ARHGAP15: variants seen among roughly 807,000 people sequenced by gnomAD.
ARHGAP15 encodes Rho GTPase activating protein 15.
ARHGAP15 carries 51 observed loss-of-function variants against 63.7 expected under a neutral mutation model. That is an observed-to-expected ratio of 0.80 (90% confidence interval 0.64 to 1.01). The LOEUF (loss-of-function observed/expected upper bound fraction) is 1.01. Among genes scored for constraint, ARHGAP15 ranks in the 50% least tolerant of loss-of-function variants. The pLI is 0.00. For synonymous variants in ARHGAP15, 191 were observed against 193.8 expected, an observed-to-expected ratio of 0.99 and a Z score of 0.12; for missense variants, 560 against 564.6, an observed-to-expected ratio of 0.99 and a Z score of 0.08.
intron 12 of ARHGAP15, among the ~76,000 whole-genome samples, chr2:143,684,813 A>T (rs1683255029): frequency 6.6e-6 from 1 of 152,188 alleles, no homozygotes; most frequent in African/African-American, 2.4e-5. Context: ...GAAATAAATC[A>T]TTGTAGTCTC....
chr2:143,217,504 C>T (rs1692801275), intron 4 of ARHGAP15, among the ~76,000 whole-genome samples: 5 of 152,144 alleles, frequency 3.3e-5, no homozygotes. Context: ...GCCCTGCAGC[C>T]ACCTTCCCTT....
intron 13 of ARHGAP15, among the ~76,000 whole-genome samples, chr2:143,711,837 G>T (rs1684594036): frequency 6.6e-6 from 1 of 152,170 alleles, no homozygotes; most frequent in Admixed American, 6.5e-5. Context: ...GCTGAGACAG[G>T]AAGATCACTT....
At chr2:143,263,975 A>G (rs1191483355) in intron 6 of ARHGAP15, among the ~76,000 whole-genome samples, 3 of 120,554 alleles carry the variant, frequency 2.5e-5, no homozygotes, top group Non-Finnish European at 3.2e-5. Flanking sequence ...TAACCCATCC[A>G]TGAATCAGGC....
At chr2:143,459,965 GT>G (rs1690859896) in intron 8 of ARHGAP15, among the ~76,000 whole-genome samples, 1 of 152,082 alleles carries the variant, frequency 6.6e-6, no homozygotes, top group Admixed American at 6.6e-5. Context: ...CAGAGGCCTG[GT>G]CTGCTTGGCC....
At chr2:143,137,288 C>A (rs1223747401) in intron 1 of ARHGAP15, among the ~76,000 whole-genome samples, 1 of 151,802 alleles carries the variant, frequency 6.6e-6, no homozygotes, top group African/African-American at 2.4e-5. Flanking sequence ...ATACCTAGAA[C>A]CTAGAACAAA....
chr2:143,371,762 T>A (rs1212644972), intron 6 of ARHGAP15, among the ~76,000 whole-genome samples: 1 of 152,224 alleles, frequency 6.6e-6, no homozygotes, highest in Admixed American at 6.5e-5. Flanking sequence ...GATGGCCCAC[T>A]CTTAAGCAAT....
At position 143,303,516 on chromosome 2, in the gene ARHGAP15, A is replaced by G. The variant is rs974455097; in HGVS notation, c.474+52916A>G. Among the ~76,000 whole-genome samples the G allele has an allele frequency of 1.3e-4, 20 of 152,226 alleles. 1 individual carries two copies. Among genetic ancestry groups the G allele is most frequent in the Admixed American group, 9.2e-4 (14 of 15,278 alleles). On this transcript the variant is annotated intron_variant, in intron 6 of 13. Coordinates refer to ENST00000295095, the MANE Select transcript of ARHGAP15 (RefSeq NM_018460.4). The stretch of plus-strand genomic sequence containing the variant: ...TTAGACCTAAAACCATAAAAACTCT[A>G]GAAGAAAAGCTAGGCAATACATTCA...
rs544362195 is a variant in ARHGAP15, at chr2:143,216,234, G to T, written c.235-150G>T. ...GCTTGTAATGACTATGATTTTGCAG[G>T]CACTTCCCATAAGCTATATATGCAT... is the stretch of plus-strand genomic sequence containing the variant. On this transcript the variant is annotated intron_variant, in intron 3 of 13. Transcript: ENST00000295095. The T allele has an allele frequency of 2.2e-4, 118 of 531,002 alleles. 4 individuals carry two copies. In the South Asian group the frequency reaches 3.6e-3, roughly 16 times the overall value. The allele number at this position is 531,002 out of a possible 1,614,324, so 32.9% of individuals were successfully genotyped here.
intron 10 of ARHGAP15, among the ~76,000 whole-genome samples, chr2:143,551,482 C>T (rs1332443560): frequency 6.6e-6 from 1 of 152,070 alleles, no homozygotes; most frequent in African/African-American, 2.4e-5. Flanking sequence ...CAATAACTGT[C>T]TTTGGAAAGC....
intron 13 of ARHGAP15, among the ~76,000 whole-genome samples, chr2:143,764,354 T>C (rs1686878759): frequency 6.6e-6 from 1 of 152,122 alleles, no homozygotes; most frequent in Non-Finnish European, 1.5e-5. Context: ...GACACGCAGC[T>C]CTAGCCTCCA....
At chr2:143,225,324 G>A (rs868275963) in intron 4 of ARHGAP15, among the ~76,000 whole-genome samples, 5 of 152,064 alleles carry the variant, frequency 3.3e-5, no homozygotes, top group African/African-American at 1.2e-4. Context: ...AACAGCGGCC[G>A]GGCGCGGTGG....
intron 2 of ARHGAP15, among the ~76,000 whole-genome samples, chr2:143,194,081 T>C (rs1691783747): frequency 1.3e-5 from 2 of 152,216 alleles, no homozygotes; most frequent in Non-Finnish European, 2.9e-5. Flanking sequence ...CATAGCCAAA[T>C]GGTGATTTGA....
At chr2:143,666,789 C>T (rs1419727909) in intron 12 of ARHGAP15, among the ~76,000 whole-genome samples, 12 of 148,730 alleles carry the variant, frequency 8.1e-5, no homozygotes, top group African/African-American at 2.6e-5. Flanking sequence ...CAAAAGAAGA[C>T]ATTTATGCAG....
chr2:143,272,788 G>A (rs988235379), intron 6 of ARHGAP15, among the ~76,000 whole-genome samples: 1 of 152,076 alleles, frequency 6.6e-6, no homozygotes, highest in Non-Finnish European at 1.5e-5. Context: ...TACTACTAAG[G>A]CCTGACCTCT....
chr2:143,538,209 T>G (rs928065441), intron 10 of ARHGAP15, among the ~76,000 whole-genome samples: 112 of 152,312 alleles, frequency 7.4e-4, no homozygotes, highest in African/African-American at 2.6e-3. Context: ...GGAATGCTTG[T>G]GATTTTTGCA....
At chr2:143,356,068 G>A (rs1333923822) in intron 6 of ARHGAP15, among the ~76,000 whole-genome samples, 1 of 151,850 alleles carries the variant, frequency 6.6e-6, no homozygotes, top group African/African-American at 2.4e-5. Flanking sequence ...AAAAGAGAGA[G>A]AGAGAGAAAG....
chr2:143,410,942 G>A (rs911314454), intron 6 of ARHGAP15, among the ~76,000 whole-genome samples: 2 of 151,922 alleles, frequency 1.3e-5, no homozygotes, highest in Admixed American at 6.6e-5. Context: ...GATGGCTCAC[G>A]CCTGTAATCT....
intron 1 of ARHGAP15, among the ~76,000 whole-genome samples, chr2:143,146,277 A>G (rs1689585880): frequency 6.6e-6 from 1 of 152,074 alleles, no homozygotes; most frequent in Non-Finnish European, 1.5e-5. Flanking sequence ...AAGACAAACA[A>G]TCTGATCTTA....
At chr2:143,194,763 G>T (rs557195384) in intron 2 of ARHGAP15, among the ~76,000 whole-genome samples, 68 of 152,212 alleles carry the variant, frequency 4.5e-4, no homozygotes, top group Middle Eastern at 3.4e-3. Flanking sequence ...AAGCTAAAGG[G>T]AATGGTATTC....
Sources: gnomAD v4.1 joint callset for allele counts (sites outside exome capture counted in the v4.1 genomes callset) on GRCh38, gnomAD v4.1.1 for gene constraint, MANE v1.5 for transcripts, NCBI Gene and HGNC (gene_info 2026-07-23, HGNC 2026-07-21) for gene names.